PCDH7: variants seen among roughly 807,000 people sequenced by gnomAD.
PCDH7 encodes the protein protocadherin-7.
PCDH7 carries 17 observed loss-of-function variants against 58.9 expected under a neutral mutation model. That is an observed-to-expected ratio of 0.29 (90% CI 0.20 to 0.43). PCDH7 has a LOEUF of 0.43. Among genes scored for constraint, PCDH7 ranks in the 20% least tolerant of loss-of-function variants. The pLI is 1.00. For synonymous variants in PCDH7, 664 were observed against 616.4 expected, an observed-to-expected ratio of 1.08 and a Z score of -1.14; for missense variants, 1,274 against 1,441.0, an observed-to-expected ratio of 0.88 and a Z score of 1.88.
At chr4:31,097,282 C>T (rs936219519) in intron 3 of PCDH7, among the ~76,000 whole-genome samples, 5 of 151,580 alleles carry the variant, frequency 3.3e-5, no homozygotes, top group Non-Finnish European at 7.4e-5. Context: ...CATGGTGAAA[C>T]CCTGTCTCTA....
At chr4:31,118,244 G>T (rs1427637945) in intron 3 of PCDH7, among the ~76,000 whole-genome samples, 3 of 152,120 alleles carry the variant, frequency 2.0e-5, no homozygotes, top group African/African-American at 7.2e-5. Context: ...AGCTAAGCTT[G>T]GGTAAATTAT....
chr4:30,846,159 T>C (rs1239933366), intron 1 of PCDH7, among the ~76,000 whole-genome samples: 2 of 152,120 alleles, frequency 1.3e-5, no homozygotes, highest in African/African-American at 4.8e-5. Flanking sequence ...GTTGGCACTA[T>C]TGATATTTTG....
rs377496844 is a variant in PCDH7 at position 30,928,236 on chromosome 4, T to G, written c.287+7867T>G. Among the ~76,000 whole-genome samples, 151 of 152,328 alleles carry G rather than the reference T, an allele frequency of 9.9e-4. 1 individual carries two copies. The highest frequency in any genetic ancestry group is 3.5e-3 in the African/African-American group (146 of 41,574). ...CACCCTGCCCAGCAAGTTAGTACTC[T>G]CAACCTCAGAGGTTAGACGACCTAT... On this transcript the variant is annotated intron_variant, in intron 2 of 3. Transcript: ENST00000509759.
At chr4:31,144,871 C>T (rs1720576902), downstream of PCDH7, 1 of 152,034 alleles carries the variant, frequency 6.6e-6, no homozygotes, top group African/African-American at 2.4e-5. Flanking sequence ...ATTATTTACA[C>T]TATGGAAAGA....
At chr4:30,894,490 A>AAAATAT (rs1553909431) in intron 1 of PCDH7, among the ~76,000 whole-genome samples, 28 of 33,462 alleles carry the variant, frequency 8.4e-4, no homozygotes, top group Non-Finnish European at 1.2e-3. Context: ...AAAAAAAAAA[A>AAAATAT]ATATATATAT....
chr4:30,837,671 G>C (rs139424642), intron 1 of PCDH7, among the ~76,000 whole-genome samples: 1 of 151,594 alleles, frequency 6.6e-6, no homozygotes, highest in African/African-American at 2.4e-5. Context: ...TTTCCTTTAC[G>C]TACCGACAAA....
chr4:30,828,534 T>C (rs982501955), intron 1 of PCDH7, among the ~76,000 whole-genome samples: 1 of 152,014 alleles, frequency 6.6e-6, no homozygotes, highest in African/African-American at 2.4e-5. Context: ...AATGCATGTG[T>C]TCATCATGAA....
intron 1 of PCDH7, among the ~76,000 whole-genome samples, chr4:30,896,573 G>A (rs1189198080): frequency 6.6e-6 from 1 of 151,872 alleles, no homozygotes; most frequent in Non-Finnish European, 1.5e-5. Context: ...CATCTGATGA[G>A]TGATTTAAAC....
chr4:30,835,370 C>G (rs1193972149), intron 1 of PCDH7, among the ~76,000 whole-genome samples: 1 of 152,100 alleles, frequency 6.6e-6, no homozygotes, highest in African/African-American at 2.4e-5. Context: ...AGTGTGAAAC[C>G]TATTGTGAAC....
At chr4:31,050,553 G>T (rs185569959) in intron 3 of PCDH7, among the ~76,000 whole-genome samples, 1 of 152,168 alleles carries the variant, frequency 6.6e-6, no homozygotes, top group East Asian at 1.9e-4. Flanking sequence ...CATTGTGATT[G>T]CCCTTGTTCA....
chr4:31,142,442 A>C, intron 3 of PCDH7, 31 bp from the exon 3 acceptor site: 2 of 1,350,136 alleles, frequency 1.5e-6, no homozygotes, highest in Non-Finnish European at 2.0e-6. Flanking sequence ...GGAGTGTCAA[A>C]TACTAATGGC....
chr4:31,080,154 T>C (rs947002975), intron 3 of PCDH7, among the ~76,000 whole-genome samples: 1 of 152,162 alleles, frequency 6.6e-6, no homozygotes, highest in Non-Finnish European at 1.5e-5. Flanking sequence ...AATATTTAAA[T>C]ATAACTAGAT....
chr4:30,817,992 TCTCA>T lies in PCDH7; in HGVS notation c.70+93401_70+93404del, dbSNP rs1202145707. Among the ~76,000 whole-genome samples the T allele has an allele frequency of 8.1e-4, 123 of 152,266 alleles. 1 individual carries two copies. Among genetic ancestry groups the T allele is most frequent in the Non-Finnish European group, 8.8e-5 (6 of 68,024 alleles). ...CTCAAGTCCACTCCTGCCACATTCT[TCTCA>T]CTCAGCTTCAGCCACAGTGGCCTCC... On this transcript the variant is annotated intron_variant, in intron 1 of 3. Transcript: ENST00000509759.
chr4:30,936,176 G>C (rs2109431178), intron 2 of PCDH7, among the ~76,000 whole-genome samples: 1 of 152,058 alleles, frequency 6.6e-6, no homozygotes, highest in East Asian at 1.9e-4. Context: ...TTATTTTATA[G>C]TATATTGGTG....
chr4:30,949,525 A>C (rs1261663184), intron 2 of PCDH7, among the ~76,000 whole-genome samples: 1 of 152,168 alleles, frequency 6.6e-6, no homozygotes, highest in Non-Finnish European at 1.5e-5. Context: ...TGTCCACAAA[A>C]ATATAATTAA....
chr4:31,081,657 C>T (rs1578745127), intron 3 of PCDH7, among the ~76,000 whole-genome samples: 2 of 152,060 alleles, frequency 1.3e-5, no homozygotes, highest in East Asian at 3.9e-4. Flanking sequence ...AGAAAGTTAC[C>T]AAGGTCCATT....
Position 31,108,369 on chromosome 4 carries a change from T to TAAAAAAAAAAAA in PCDH7, c.*8-34075_*8-34064dup, listed in dbSNP as rs71190491. On this transcript the variant is annotated intron_variant, in intron 3 of 3. Coordinates refer to the PCDH7 transcript ENST00000509759. ...GTAGACTGTAACATACAGCATACAG[T>TAAAAAAAAAAAA]AAAAAAAAAAAAAAAAAAAAAAAAA... 2.3e-4 allele frequency among the ~76,000 whole-genome samples: 14 copies of TAAAAAAAAAAAA among 60,092 alleles called. 1 individual carries two copies. Among genetic ancestry groups the TAAAAAAAAAAAA allele is most frequent in the African/African-American group, 4.3e-4 (9 of 21,116 alleles). The allele number at this position is 60,092 out of a possible 152,430, so 39.4% of individuals were successfully genotyped here.
intron 3 of PCDH7, among the ~76,000 whole-genome samples, chr4:31,029,800 G>A (rs924645391): frequency 1.3e-5 from 2 of 152,052 alleles, no homozygotes; most frequent in Non-Finnish European, 2.9e-5. Flanking sequence ...CCTTAGCTCT[G>A]GGTTGGGGTT....
intron 3 of PCDH7, among the ~76,000 whole-genome samples, chr4:31,078,982 C>T (rs562920790): frequency 2.5e-4 from 38 of 151,464 alleles, no homozygotes; most frequent in Non-Finnish European, 4.6e-4. Flanking sequence ...TGACTCCAGT[C>T]GATAAATGAA....
Sources: allele counts gnomAD v4.1 joint callset (sites outside exome capture counted in the v4.1 genomes callset), GRCh38; gene constraint gnomAD v4.1.1; transcripts MANE v1.5; gene names NCBI Gene and HGNC (gene_info 2026-07-23, HGNC 2026-07-21).